The following RORA variants were observed in gnomAD, a reference collection of about 807,000 sequenced individuals.
RORA encodes the protein RAR related orphan receptor A.
In RORA, 7 loss-of-function variants were observed where a neutral mutation model predicts 69.5. The ratio of observed to expected loss-of-function variants is 0.10; its 90% CI spans 0.06 to 0.19. The LOEUF (loss-of-function observed/expected upper bound fraction) is 0.19. RORA is among the 10% of genes least tolerant of loss of function. The probability of loss-of-function intolerance (pLI) is 1.00; values close to 1 mark genes in which losing one functional copy is unlikely to be tolerated. For synonymous variants in RORA, 261 were observed against 240.8 expected, an observed-to-expected ratio of 1.08 and a Z score of -0.78; for missense variants, 457 against 663.0, an observed-to-expected ratio of 0.69 and a Z score of 3.41.
chr15:61,161,889 T>C (rs1370348619), intron 1 of RORA, among the ~76,000 whole-genome samples: 1 of 152,202 alleles, frequency 6.6e-6, no homozygotes, highest in Non-Finnish European at 1.5e-5. Flanking sequence ...CAATAAATTA[T>C]GGTATAATCA....
intron 2 of RORA, among the ~76,000 whole-genome samples, chr15:60,554,442 A>C (rs1049749400): frequency 1.3e-5 from 2 of 152,212 alleles, no homozygotes; most frequent in Admixed American, 6.5e-5. Flanking sequence ...TTCTCCAAGA[A>C]AGACAAGACT....
chr15:61,014,346 C>T (rs932416938), intron 1 of RORA, among the ~76,000 whole-genome samples: 2 of 152,356 alleles, frequency 1.3e-5, no homozygotes, highest in East Asian at 1.9e-4. Flanking sequence ...GACAAGGCTG[C>T]GGATGTGGCT....
chr15:60,558,945 A>T (rs2067452081), intron 2 of RORA, among the ~76,000 whole-genome samples: 1 of 152,240 alleles, frequency 6.6e-6, no homozygotes. Flanking sequence ...TGCAATATTT[A>T]GAGTGATATT....
chr15:60,763,671 G>A (rs1318115875), intron 1 of RORA, among the ~76,000 whole-genome samples: 8 of 152,276 alleles, frequency 5.3e-5, no homozygotes, highest in Admixed American at 5.2e-4. Flanking sequence ...TGCCAGGGGG[G>A]TAGCTCCCCA....
chr15:61,137,134 C>T (rs1429736191), intron 1 of RORA, among the ~76,000 whole-genome samples: 1 of 151,718 alleles, frequency 6.6e-6, no homozygotes, highest in African/African-American at 2.4e-5. Context: ...GCAGAGTTCT[C>T]TCTCCAGACC....
intron 2 of RORA, among the ~76,000 whole-genome samples, chr15:60,676,864 C>T (rs1322608056): frequency 6.6e-6 from 1 of 152,178 alleles, no homozygotes; most frequent in African/African-American, 2.4e-5. Context: ...GACAGTTCCT[C>T]GAATGTCTCT....
rs60876755 is a variant in RORA at position 61,122,594 on chromosome 15, C to T, written c.166+106459G>A. On this transcript the variant is annotated intron_variant, in intron 1 of 10. Coordinates refer to ENST00000335670, the MANE Select transcript of RORA (RefSeq NM_134261.3). Reference sequence around the variant, plus strand: ...CAGATATGATCTCATAAATACCCTACGGAGGATATCACTTTTTTTCAGATG... The same window carrying T: ...CAGATATGATCTCATAAATACCCTATGGAGGATATCACTTTTTTTCAGATG... 3.2e-3 allele frequency among the ~76,000 whole-genome samples: 494 copies of T among 152,150 alleles called. 2 individuals are homozygous for T. The highest frequency in any genetic ancestry group is 0.011 in the African/African-American group (458 of 41,490).
intron 1 of RORA, among the ~76,000 whole-genome samples, chr15:60,890,224 T>G (rs1346801725): frequency 6.6e-6 from 1 of 152,208 alleles, no homozygotes; most frequent in Admixed American, 6.5e-5. Context: ...ACCCCCTTAT[T>G]TTACATGTGG....
intron 1 of RORA, among the ~76,000 whole-genome samples, chr15:60,766,226 T>TGAGCCTGC (rs1429792656): frequency 6.6e-6 from 1 of 152,162 alleles, no homozygotes; most frequent in Non-Finnish European, 1.5e-5. Context: ...TGTGAGCCTG[T>TGAGCCTGC]GAGCCTGCGA....
intron 1 of RORA, among the ~76,000 whole-genome samples, chr15:61,102,522 C>T (rs1322913448): frequency 6.6e-6 from 1 of 152,176 alleles, no homozygotes; most frequent in African/African-American, 2.4e-5. Flanking sequence ...ACATCCAAAG[C>T]TCTTCTTAAA....
intron 1 of RORA, among the ~76,000 whole-genome samples, chr15:61,024,886 C>T (rs1203605662): frequency 6.6e-6 from 1 of 152,188 alleles, no homozygotes; most frequent in Non-Finnish European, 1.5e-5. Flanking sequence ...GCCACCGCAC[C>T]CAGCTGGAAA....
At chr15:61,030,070 G>A (rs528268483) in intron 1 of RORA, among the ~76,000 whole-genome samples, 30 of 152,288 alleles carry the variant, frequency 2.0e-4, no homozygotes, top group African/African-American at 7.2e-4. Context: ...CAAACCCAAA[G>A]TGATGGTCAT....
At chr15:61,069,737 AAAAAGAAAAG>A (rs545196169) in intron 1 of RORA, among the ~76,000 whole-genome samples, 16 of 152,274 alleles carry the variant, frequency 1.1e-4, no homozygotes, top group African/African-American at 2.9e-4. Context: ...AAAGGAAAGA[AAAAAGAAAAG>A]AAAAGAAAAG....
chr15:61,117,553 A>T (rs1447230300), intron 1 of RORA, among the ~76,000 whole-genome samples: 1 of 152,238 alleles, frequency 6.6e-6, no homozygotes, highest in Non-Finnish European at 1.5e-5. Flanking sequence ...TAGAAACTGT[A>T]ACCTTTACTT....
intron 1 of RORA, among the ~76,000 whole-genome samples, chr15:61,008,204 TG>T (rs1566941682): frequency 0.19 from 2,658 of 14,200 alleles, 81 homozygotes; most frequent in African/African-American, 0.28. Flanking sequence ...TCTCTCTCTC[TG>T]TGTGTGTGTG....
chr15:60,938,186 G>A (rs905666464), intron 1 of RORA, among the ~76,000 whole-genome samples: 2 of 152,078 alleles, frequency 1.3e-5, no homozygotes. Context: ...TATACACATC[G>A]TACATAAACA....
chr15:61,190,459 TAA>T (rs1398199068), intron 1 of RORA, among the ~76,000 whole-genome samples: 1 of 151,948 alleles, frequency 6.6e-6, no homozygotes, highest in Non-Finnish European at 1.5e-5. Flanking sequence ...ATAGATTACA[TAA>T]AGAGTTCAAA....
rs556276978 is a variant in RORA at position 61,123,185 on chromosome 15, C to G, written c.166+105868G>C. On this transcript the variant is annotated intron_variant, in intron 1 of 10. Coordinates refer to ENST00000335670, the MANE Select transcript of RORA (RefSeq NM_134261.3). ...CCTGGGGTGTCACTCACTCTTCTGT[C>G]TCAGCTCTGCCCTGTTCTCAGGGCG... is the stretch of plus-strand genomic sequence containing the variant. Among the ~76,000 whole-genome samples the G allele has an allele frequency of 3.3e-5, 5 of 152,216 alleles. No individual in the cohort carries two copies. In the South Asian group the frequency reaches 1.0e-3, roughly 32 times the overall value.
At chr15:61,109,509 C>A (rs536941166) in intron 1 of RORA, among the ~76,000 whole-genome samples, 2 of 152,282 alleles carry the variant, frequency 1.3e-5, no homozygotes, top group South Asian at 4.1e-4. Context: ...GCCAGCACAC[C>A]CTCATCCAGC....
Sources: allele counts gnomAD v4.1 joint callset (sites outside exome capture counted in the v4.1 genomes callset), GRCh38; gene constraint gnomAD v4.1.1; transcripts MANE v1.5; gene names NCBI Gene and HGNC (gene_info 2026-07-23, HGNC 2026-07-21).